The following INTS6 variants were observed in gnomAD, a reference collection of about 807,000 sequenced individuals.
INTS6 encodes the protein integrator complex subunit 6.
In INTS6, 16 loss-of-function variants were observed where a neutral mutation model predicts 104.9. The observed-to-expected ratio is 0.15, with a 90% confidence interval of 0.10 to 0.23. The LOEUF is 0.23. INTS6 is among the 10% of genes least tolerant of loss of function. INTS6 has a pLI of 1.00. For missense variants in INTS6, 584 were observed against 1,062.8 expected (o/e 0.55, Z 6.26); for synonymous variants, 324 against 358.7 (o/e 0.90, Z 1.09).
At chr13:51,355,190 A>C (rs1955461089) in intron 3 of INTS6, 3 of 818,192 alleles carry the variant, frequency 3.7e-6, no homozygotes, top group Non-Finnish European at 5.9e-6. Flanking sequence ...TATTTGGGGC[A>C]GTTTTATCAT....
chr13:51,378,558 T>C (rs1566211248), intron 11 of INTS6, 104 bp from the exon 12 acceptor site: 3 of 599,896 alleles, frequency 5.0e-6, no homozygotes, highest in South Asian at 1.0e-4. Flanking sequence ...TTTTTAAGTA[T>C]ATAAGAAGTT....
intron 4 of INTS6, among the ~76,000 whole-genome samples, chr13:51,418,927 A>T (rs563628796): frequency 1.3e-5 from 2 of 152,196 alleles, no homozygotes; most frequent in Non-Finnish European, 2.9e-5. Context: ...CATTTCCAAC[A>T]TCTTAAAAAG....
chr13:51,400,274 G>T (rs971654010), intron 4 of INTS6, among the ~76,000 whole-genome samples: 1 of 152,186 alleles, frequency 6.6e-6, no homozygotes, highest in Non-Finnish European at 1.5e-5. Context: ...ATACATTATA[G>T]TATTGCAAAT....
chr13:51,416,888 T>G (rs1477561729), intron 4 of INTS6, among the ~76,000 whole-genome samples: 1 of 152,222 alleles, frequency 6.6e-6, no homozygotes, highest in Non-Finnish European at 1.5e-5. Flanking sequence ...CCAACATTTG[T>G]AACTGTCCAT....
chr13:51,389,516 A>T, intron 5 of INTS6, 72 bp from the exon 6 acceptor site: 1 of 1,381,708 alleles, frequency 7.2e-7, no homozygotes, highest in Non-Finnish European at 9.6e-7. Flanking sequence ...AATTCCTATC[A>T]TTAGCAAGAA....
chr13:51,450,933 C>G, intron 3 of INTS6, 92 bp downstream of exon 3: 1 of 1,375,706 alleles, frequency 7.3e-7, no homozygotes, highest in Non-Finnish European at 9.5e-7. Context: ...ATGTTTTATA[C>G]TTGCATTTCA....
At chr13:51,375,746 T>C (rs1203568503) in intron 13 of INTS6, among the ~76,000 whole-genome samples, 1 of 150,032 alleles carries the variant, frequency 6.7e-6, no homozygotes, top group East Asian at 1.9e-4. Flanking sequence ...TGTGTGTGTG[T>C]GTGTGTGTGT....
In INTS6 at chr13:51,452,537, G is replaced by C. The variant is rs1014046263; in HGVS notation, c.-12C>G. ...AGTAAGATGGGCATAGTGCTGGCCGGGGACACCGGGGCCCGAGGTGGTGGA... is the reference window on the plus strand; with the variant it reads ...AGTAAGATGGGCATAGTGCTGGCCGCGGACACCGGGGCCCGAGGTGGTGGA... On this transcript the variant is annotated 5_prime_UTR_variant, in exon 1 of 18. Coordinates refer to ENST00000311234, the MANE Select transcript of INTS6 (RefSeq NM_012141.3). This position sits in a 1 kb window ranked among gnomAD's most constrained non-coding sequence, Gnocchi z 4.2. 2 of 1,609,330 alleles carry C rather than the reference G, an allele frequency of 1.2e-6. No individual in the cohort carries two copies. The highest frequency in any genetic ancestry group is 1.7e-6 in the Non-Finnish European group (2 of 1,177,162).
chr13:51,448,803 T>C (rs1253657349), intron 3 of INTS6: 1 of 152,216 alleles, frequency 6.6e-6, no homozygotes, highest in East Asian at 1.9e-4. Flanking sequence ...TAACGTTACA[T>C]ACAAGTATTT....
chr13:51,451,955 AG>A, intron 2 of INTS6, 22 bp downstream of exon 2: 2 of 1,538,914 alleles, frequency 1.3e-6, no homozygotes, highest in East Asian at 2.4e-5. Context: ...AAGGGAGGAA[AG>A]GGGGAGGGCG....
At chr13:51,361,062 TAA>T (rs1381316898), downstream of INTS6, among the ~76,000 whole-genome samples, 4 of 152,018 alleles carry the variant, frequency 2.6e-5, no homozygotes, top group African/African-American at 7.2e-5. Context: ...TATAACAAAT[TAA>T]AGTTTGGTAA....
In INTS6 at chr13:51,389,306, A is replaced by C; in HGVS notation, c.739+13T>G. 1 of 1,602,980 alleles carries C rather than the reference A, an allele frequency of 6.2e-7. No individual in the cohort carries two copies. The highest frequency in any genetic ancestry group is 8.5e-7 in the Non-Finnish European group (1 of 1,177,056). On this transcript the variant is annotated intron_variant, in intron 6 of 17. Transcript: ENST00000311234. ...GCAAGTTTTGAATGTCTAAAAGAAA[A>C]GTGCAATAATACCTTCTACAGGGGA...
intron 4 of INTS6, among the ~76,000 whole-genome samples, chr13:51,424,509 G>A (rs1370594842): frequency 6.6e-6 from 1 of 152,010 alleles, no homozygotes; most frequent in Non-Finnish European, 1.5e-5. Flanking sequence ...AATAATTGCA[G>A]ATGTATATAT....
At chr13:51,343,819 A>T in the INTS6 span, among the ~76,000 whole-genome samples, 1 of 152,176 alleles carries the variant, frequency 6.6e-6, no homozygotes, top group Non-Finnish European at 1.5e-5. Context: ...ACCTCCCATC[A>T]TTGTCACTGT....
intron 4 of INTS6, among the ~76,000 whole-genome samples, chr13:51,412,554 C>T (rs1235045933): frequency 6.6e-6 from 1 of 152,140 alleles, no homozygotes. Flanking sequence ...CTCACAAGCG[C>T]ACACGTGAGC....
At chr13:51,375,954 T>C in intron 13 of INTS6, 94 bp downstream of exon 13, 1 of 1,032,040 alleles carries the variant, frequency 9.7e-7, no homozygotes, top group Non-Finnish European at 1.4e-6. Context: ...TATAGTACTG[T>C]AATAATTCTT....
chr13:51,401,549 T>G (rs1956440496), intron 4 of INTS6, among the ~76,000 whole-genome samples: 1 of 152,188 alleles, frequency 6.6e-6, no homozygotes, highest in African/African-American at 2.4e-5. Flanking sequence ...AATGGAAGTG[T>G]CTGAACTAAT....
intron 2 of INTS6, 145 bp from the exon 3 acceptor site, chr13:51,451,319 G>GA: frequency 2.0e-6 from 1 of 500,422 alleles, no homozygotes; most frequent in Non-Finnish European, 3.2e-6. Context: ...CGCTGCTGAG[G>GA]AAACTCTCTT....
chr13:51,383,091 C>A (rs541575379), intron 9 of INTS6, among the ~76,000 whole-genome samples: 4 of 146,860 alleles, frequency 2.7e-5, no homozygotes, highest in Admixed American at 6.8e-5. Context: ...CTCCCTCCCC[C>A]ACCCCCCCGC....
Sources: allele counts gnomAD v4.1 joint callset (sites outside exome capture counted in the v4.1 genomes callset), GRCh38; gene constraint gnomAD v4.1.1; non-coding constraint Gnocchi (gnomAD v3.1); transcripts MANE v1.5; gene names NCBI Gene and HGNC (gene_info 2026-07-23, HGNC 2026-07-21).